The following USP36 variants were observed in gnomAD, a reference collection of about 807,000 sequenced individuals.
USP36 encodes the protein ubiquitin specific peptidase 36.
A neutral mutation model predicts 111.5 loss-of-function variants in USP36; 59 were observed. That is an observed-to-expected ratio of 0.53 (90% CI 0.43 to 0.66). The LOEUF is 0.66. Among genes scored for constraint, USP36 ranks in the 30% least tolerant of loss-of-function variants. The pLI, the probability that USP36 is intolerant of heterozygous loss-of-function variation, is 0.00. For missense variants in USP36, 1,488 were observed against 1,468.0 expected (o/e 1.01, Z -0.22); for synonymous variants, 628 against 581.0 (o/e 1.08, Z -1.16).
chr17:78,838,116 C>T lies in USP36; in HGVS notation c.-10+471G>A, dbSNP rs76302601. Among the ~76,000 whole-genome samples the T allele has an allele frequency of 9.4e-3, 1,422 of 151,378 alleles. 27 individuals are homozygous for T. The highest frequency in any genetic ancestry group is 0.032 in the African/African-American group (1,318 of 41,242). On this transcript the variant is annotated intron_variant, in intron 2 of 20. Coordinates refer to ENST00000449938, the MANE Select transcript of USP36 (RefSeq NM_001385174.1). ...ATCTTTAAAACAAAAAAAATCGTGG[C>T]TCACGCCTGTAATCCCAGCACTTGG...
intron 6 of USP36, among the ~76,000 whole-genome samples, chr17:78,822,898 A>G (rs566226716): frequency 1.7e-4 from 26 of 151,578 alleles, no homozygotes; most frequent in African/African-American, 6.1e-4. Flanking sequence ...CGGTGCACCC[A>G]CTCCCTCCAG....
intron 10 of USP36, among the ~76,000 whole-genome samples, chr17:78,817,112 C>T (rs1298480442): frequency 4.6e-5 from 7 of 152,164 alleles, no homozygotes; most frequent in African/African-American, 1.4e-4. Context: ...AAATACTTCC[C>T]ATTGTGTTGC....
intron 4 of USP36, among the ~76,000 whole-genome samples, chr17:78,833,142 C>T (rs575193288): frequency 1.3e-5 from 2 of 152,150 alleles, no homozygotes; most frequent in Non-Finnish European, 2.9e-5. Flanking sequence ...AACGAGACTC[C>T]ATCTCCAAAA....
rs111318763 is a variant in USP36, at chr17:78,799,777, G to A, written c.3023-9C>T. ...AGGGGCCTGGCTCAGCCCTGCAATC[G>A]GAGCAGCCAAGAAACATTTACAGAC... On this transcript the variant is annotated splice_polypyrimidine_tract_variant and intron_variant, in intron 17 of 20. Coordinates refer to ENST00000449938, the MANE Select transcript of USP36 (RefSeq NM_001385174.1). The A allele has an allele frequency of 9.4e-6, 15 of 1,590,716 alleles. No individual in the cohort carries two copies. The highest frequency in any genetic ancestry group is 5.5e-5 in the Admixed American group (3 of 54,958).
chr17:78,800,186 A>C (rs192940993), intron 17 of USP36, among the ~76,000 whole-genome samples: 1 of 151,654 alleles, frequency 6.6e-6, no homozygotes, highest in Non-Finnish European at 1.5e-5. Context: ...TTAAGTCCTC[A>C]GTCTGACAGA....
At chr17:78,827,001 C>T (rs1292932255) in intron 6 of USP36, 10 of 652,686 alleles carry the variant, frequency 1.5e-5, no homozygotes, top group African/African-American at 3.6e-5. Flanking sequence ...CACAGCCACC[C>T]GATCCTACCA....
In USP36 at chr17:78,799,683, T is replaced by A. The variant is rs745914433; in HGVS notation, c.3108A>T (p.Lys1036Asn). The change falls in exon 18 of 21, where the codon AAA becomes AAT. Residue 1036 changes from lysine to asparagine, a missense_variant. By Grantham distance (94) the Lys-to-Asn change is moderately conservative. Transcript: ENST00000449938. ...VQELLKYSSD[K>N]AYGRKVLTWD... is the part of the protein sequence containing the mutation. ...AATCAGTACCTTTTCTCCCGTAAGCTTTATCAGATGAGTATTTGAGCAGTT... is the reference window on the plus strand; with the variant it reads ...AATCAGTACCTTTTCTCCCGTAAGCATTATCAGATGAGTATTTGAGCAGTT... 4.3e-6 allele frequency: 7 copies of A among 1,612,460 alleles called. No individual in the cohort carries two copies. The African/African-American group carries it at 9.4e-5, about 22-fold the overall frequency.
Position 78,813,753 on chromosome 17 carries a change from G to A in USP36, c.1265+20C>T. ...GAGCAGAGGGAGTGAGCTCATCTGG[G>A]GAGGGCGTGAGTTTATTACCGCAGA... On this transcript the variant is annotated intron_variant, in intron 12 of 20. Coordinates refer to ENST00000449938, the MANE Select transcript of USP36 (RefSeq NM_001385174.1). 2 of 1,609,698 alleles carry A rather than the reference G, an allele frequency of 1.2e-6. No individual in the cohort carries two copies. Among genetic ancestry groups the A allele is most frequent in the Middle Eastern group, 1.7e-4 (1 of 6,034 alleles).
intron 7 of USP36, 130 bp from the exon 8 acceptor site, chr17:78,821,191 C>G (rs1399041128): frequency 1.3e-6 from 1 of 765,040 alleles, no homozygotes; most frequent in African/African-American, 1.8e-5. Flanking sequence ...CCACTAGCCC[C>G]TGAAGCATCC....
chr17:78,834,393 T>A (rs1326476987), intron 4 of USP36, among the ~76,000 whole-genome samples: 2 of 152,102 alleles, frequency 1.3e-5, no homozygotes, highest in African/African-American at 4.8e-5. Context: ...TTATTTCACC[T>A]CTATTTTAAT....
chr17:78,840,515 C>T (rs2069184699), intron 1 of USP36: 1 of 152,306 alleles, frequency 6.6e-6, no homozygotes, highest in African/African-American at 2.4e-5. Flanking sequence ...CCGGACCCTC[C>T]TCGGGAATAC....
At chr17:78,820,370 G>T (rs377223052) in intron 8 of USP36, among the ~76,000 whole-genome samples, 95 of 152,236 alleles carry the variant, frequency 6.2e-4, no homozygotes, top group African/African-American at 2.0e-3. Flanking sequence ...CCAGCTGTGT[G>T]GGAGGATCAC....
chr17:78,789,250 C>T (rs1283673829), intron 3 of USP36, among the ~76,000 whole-genome samples: 2 of 150,500 alleles, frequency 1.3e-5, no homozygotes, highest in Non-Finnish European at 3.0e-5. Context: ...GCATGCCAGC[C>T]TTCACTTGCC....
chr17:78,818,872 T>C, intron 9 of USP36, 94 bp from the exon 10 acceptor site: 6 of 1,252,334 alleles, frequency 4.8e-6, no homozygotes, highest in Non-Finnish European at 6.9e-6. Flanking sequence ...CAACAACTGC[T>C]CTGTAATAGT....
intron 4 of USP36, among the ~76,000 whole-genome samples, chr17:78,834,511 T>C (rs1333461366): frequency 6.6e-6 from 1 of 152,040 alleles, no homozygotes; most frequent in African/African-American, 2.4e-5. Flanking sequence ...GGCATGATCT[T>C]GGTCAGCTCA....
intron 15 of USP36, among the ~76,000 whole-genome samples, chr17:78,805,795 C>T (rs1408715408): frequency 2.0e-5 from 3 of 152,230 alleles, no homozygotes. Flanking sequence ...TCGCCAAGGC[C>T]TCACTTCGCC....
At chr17:78,818,156 A>T (rs1001348748) in intron 10 of USP36, among the ~76,000 whole-genome samples, 2 of 152,182 alleles carry the variant, frequency 1.3e-5, no homozygotes, top group Non-Finnish European at 2.9e-5. Context: ...CATATTTCAT[A>T]AAAAGCCAGA....
rs757798826 is a variant in USP36 at position 78,799,773 on chromosome 17, A to C, written c.3023-5T>G. The C allele has an allele frequency of 2.6e-5, 42 of 1,595,682 alleles. No homozygotes were observed. In the African/African-American group the frequency reaches 5.1e-4, roughly 20 times the overall value. On this transcript the variant is annotated splice_polypyrimidine_tract_variant and splice_region_variant and intron_variant, in intron 17 of 20. Coordinates refer to ENST00000449938, the MANE Select transcript of USP36 (RefSeq NM_001385174.1). ...CAGGAGGGGCCTGGCTCAGCCCTGC[A>C]ATCGGAGCAGCCAAGAAACATTTAC...
intron 4 of USP36, among the ~76,000 whole-genome samples, chr17:78,830,163 C>A (rs1270871218): frequency 6.6e-6 from 1 of 152,204 alleles, no homozygotes; most frequent in Non-Finnish European, 1.5e-5. Context: ...CACCACTATC[C>A]TGAATTAGGC....
Sources: gnomAD v4.1 joint callset for allele counts (sites outside exome capture counted in the v4.1 genomes callset) on GRCh38, gnomAD v4.1.1 for gene constraint, MANE v1.5 for transcripts, NCBI Gene and HGNC (gene_info 2026-07-23, HGNC 2026-07-21) for gene names.